Variants in PCNT observed in about 807,000 individuals in gnomAD.
PCNT encodes pericentrin.
In PCNT, 319 loss-of-function variants were observed where a neutral mutation model predicts 380.4. The observed-to-expected ratio is 0.84, with a 90% CI of 0.77 to 0.92. The LOEUF (loss-of-function observed/expected upper bound fraction) is 0.92. PCNT is among the 40% of genes least tolerant of loss of function. The pLI, the probability that PCNT is intolerant of heterozygous loss-of-function variation, is 0.00. For synonymous variants in PCNT, 1,845 were observed against 1,735.2 expected (o/e 1.06, Z -1.57); for missense variants, 4,400 against 4,255.3 (o/e 1.03, Z -0.95).
Position 46,382,045 on chromosome 21 carries a change from G to A in PCNT, c.3312+205G>A, listed in dbSNP as rs182199733. ...TTCACGGTGTTGTGCATTCAATGGC[G>A]GAAGCGCATTCACCATGTTGTATAT... On this transcript the variant is annotated intron_variant, in intron 16 of 46. Coordinates refer to ENST00000359568, the MANE Select transcript of PCNT (RefSeq NM_006031.6). 2.5e-3 allele frequency among the ~76,000 whole-genome samples: 324 copies of A among 130,498 alleles called. 3 individuals are homozygous for A. The highest frequency in any genetic ancestry group is 4.9e-3 in the South Asian group (18 of 3,690). The allele number at this position is 130,498 out of a possible 152,430, so 85.6% of individuals were successfully genotyped here. A position where few individuals can be genotyped will look rare whatever the true frequency, so the allele number is the denominator to read the frequency against.
Position 46,416,760 on chromosome 21 carries a change from GCGTGT to G in PCNT, c.6844_6848del (p.Val2282CysfsTer15). On this transcript the variant is annotated frameshift_variant, in exon 30 of 47. Coordinates refer to ENST00000359568, the MANE Select transcript of PCNT (RefSeq NM_006031.6). LOFTEE classifies it high-confidence loss of function. ...GGGCCGGGGCTGCTTTGTTCCCCAGGCGTGTCTGCAGCAGCGCTGGCACTGCAGTG... is the reference window on the plus strand; with the variant it reads ...GGGCCGGGGCTGCTTTGTTCCCCAGGCTGCAGCAGCGCTGGCACTGCAGTG... The G allele has an allele frequency of 6.2e-7, 1 of 1,604,324 alleles. No individual in the cohort carries two copies. Among genetic ancestry groups the G allele is most frequent in the Non-Finnish European group, 8.5e-7 (1 of 1,177,144 alleles).
intron 26 of PCNT, 50 bp downstream of exon 26, chr21:46,401,771 G>C (rs2086436651): frequency 1.3e-6 from 2 of 1,584,742 alleles, no homozygotes; most frequent in Middle Eastern, 1.7e-4. Context: ...TCAGTGTCCA[G>C]TGGGCTTCTC....
At chr21:46,352,881 T>TTTGCTCCCAGCCCTGTGGCTC (rs1459305688) in intron 9 of PCNT, among the ~76,000 whole-genome samples, 1 of 152,028 alleles carries the variant, frequency 6.6e-6, no homozygotes, top group African/African-American at 2.4e-5. Context: ...GAGTGCTGCT[T>TTTGCTCCCAGCCCTGTGGCTC]TTGCTCCCAG....
chr21:46,422,522 G>A (rs1412806462), intron 32 of PCNT, among the ~76,000 whole-genome samples: 1 of 152,244 alleles, frequency 6.6e-6, no homozygotes, highest in Non-Finnish European at 1.5e-5. Flanking sequence ...CGATGGGAGA[G>A]AAGCCACTCA....
chr21:46,367,545 C>T (rs1011652216), intron 15 of PCNT, among the ~76,000 whole-genome samples: 3 of 152,044 alleles, frequency 2.0e-5, no homozygotes, highest in Non-Finnish European at 2.9e-5. Flanking sequence ...TGACTTCAGG[C>T]GATCCACCCG....
At chr21:46,436,851 G>A (rs1049098582) in intron 39 of PCNT, 128 bp from the exon 40 acceptor site, 16 of 751,560 alleles carry the variant, frequency 2.1e-5, no homozygotes, top group African/African-American at 1.0e-4. Flanking sequence ...ACGGCTGGAC[G>A]AAGTGATTCA....
rs1248342093 is a variant in PCNT at position 46,407,364 on chromosome 21, C to T, written c.5116-3825C>T. On this transcript the variant is annotated intron_variant, in intron 27 of 46. Coordinates refer to ENST00000359568, the MANE Select transcript of PCNT (RefSeq NM_006031.6). ...TCTTTTTTTTTTTTTTTTTTTGAGA[C>T]GGAGTCTTGCTCCGTCACCCAGGCT... Among the ~76,000 whole-genome samples, 22 of 30,782 alleles carry T rather than the reference C, an allele frequency of 7.1e-4. 1 individual carries two copies. The East Asian group carries it at 7.3e-3, about 10-fold the overall frequency. 20.2% of individuals were successfully genotyped at this position (30,782 alleles called of 152,430 possible).
In PCNT at chr21:46,356,975, G is replaced by A. The variant is rs372875556; in HGVS notation, c.1938G>A (p.Glu646=). The part of the protein sequence containing the change: ...RLEPSEGHSQ[E]LPWVHLQGVQ... Reference sequence around the variant, plus strand: ...CTTCCCTGCTCCTTTTCCACACAGAGCTTCCCTGGGTGCATCTCCAGGGTG... The same window carrying A: ...CTTCCCTGCTCCTTTTCCACACAGAACTTCCCTGGGTGCATCTCCAGGGTG... Residue 646 remains glutamate, a splice_region_variant and synonymous_variant, in exon 13 of 47, where the codon GAG becomes GAA. Transcript: ENST00000359568. 2 of 1,613,680 alleles carry A rather than the reference G, an allele frequency of 1.2e-6. No homozygotes were observed. The highest frequency in any genetic ancestry group is 1.7e-4 in the Middle Eastern group (1 of 5,804).
At chr21:46,398,560 G>A (rs536862897) in intron 24 of PCNT, among the ~76,000 whole-genome samples, 33 of 152,346 alleles carry the variant, frequency 2.2e-4, no homozygotes, top group African/African-American at 7.7e-4. Context: ...ATCTGGTGAC[G>A]CTGCAGTGCC....
chr21:46,325,303 C>T (rs2083342848), intron 1 of PCNT: 8 of 706,720 alleles, frequency 1.1e-5, no homozygotes, highest in East Asian at 1.4e-4. Context: ...GGGGCTAGGC[C>T]GGGGAAGGGC....
chr21:46,364,071 G>A, intron 14 of PCNT, 137 bp downstream of exon 14: 3 of 758,254 alleles, frequency 4.0e-6, no homozygotes, highest in Non-Finnish European at 6.5e-6. Flanking sequence ...AACAAGGTGT[G>A]GCGCTCTAGG....
At chr21:46,355,306 G>T (rs2084431426) in intron 11 of PCNT, 146 bp from the exon 12 acceptor site, 6 of 847,440 alleles carry the variant, frequency 7.1e-6, no homozygotes, top group Non-Finnish European at 7.9e-6. Context: ...GGCTGGCGGG[G>T]TTCACCAGGG....
At chr21:46,337,660 G>A (rs751470919) in intron 3 of PCNT, among the ~76,000 whole-genome samples, 1 of 152,138 alleles carries the variant, frequency 6.6e-6, no homozygotes, top group Admixed American at 6.5e-5. Context: ...TCGGCTCTCC[G>A]CAATCTCCGC....
chr21:46,324,802 G>A (rs2083311931), intron 1 of PCNT: 10 of 857,522 alleles, frequency 1.2e-5, no homozygotes, highest in Non-Finnish European at 1.4e-5. Flanking sequence ...CGGGGCCGGG[G>A]GCGTGGCGCG....
rs376655934 is a variant in PCNT at position 46,443,965 on chromosome 21, C to T, written c.9839+17C>T. On this transcript the variant is annotated intron_variant, in intron 45 of 46. Transcript: ENST00000359568. ...TGGGGGAAGGTCAGTGTGATGCCTT[C>T]AGGCCCCGTCTCCTGCCAGGGCTCT... 14 of 1,608,372 alleles carry T rather than the reference C, an allele frequency of 8.7e-6. No individual in the cohort carries two copies. The African/African-American group carries it at 9.4e-5, about 11-fold the overall frequency.
rs2083396457 is a variant in PCNT at position 46,326,421 on chromosome 21, T to G, written c.99T>G (p.His33Gln). The G allele has an allele frequency of 6.2e-7, 1 of 1,614,212 alleles. No homozygotes were observed. The highest frequency in any genetic ancestry group is 8.5e-7 in the Non-Finnish European group (1 of 1,180,038). ...RQRKTKGDSS[H>Q]SEKKTAKRKG... is the part of the protein sequence containing the mutation. ...GAAAAACAAAAGGTGACAGTTCGCATTCGGAGAAAAAGACGGCGAAGAGGA... is the reference window on the plus strand; with the variant it reads ...GAAAAACAAAAGGTGACAGTTCGCAGTCGGAGAAAAAGACGGCGAAGAGGA... Residue 33 changes from histidine to glutamine, a missense_variant, in exon 2 of 47, where the codon CAT becomes CAG. His to Gln is a conservative substitution (Grantham distance 24, BLOSUM62 0). Transcript: ENST00000359568.
intron 13 of PCNT, among the ~76,000 whole-genome samples, chr21:46,357,529 C>T (rs1295438968): frequency 6.6e-6 from 1 of 152,222 alleles, no homozygotes; most frequent in East Asian, 1.9e-4. Context: ...GCAACCTCTG[C>T]TTCCTGATTT....
intron 36 of PCNT, 42 bp downstream of exon 36, chr21:46,430,274 C>A (rs1356880312): frequency 1.3e-6 from 2 of 1,548,574 alleles, no homozygotes; most frequent in East Asian, 2.3e-5. Context: ...CGGGAGTCCC[C>A]CCGTTGTGCC....
chr21:46,380,456 G>A (rs780301863), intron 15 of PCNT, among the ~76,000 whole-genome samples: 1 of 151,760 alleles, frequency 6.6e-6, no homozygotes, highest in Non-Finnish European at 1.5e-5. Context: ...CACCGCGCCC[G>A]GCCAACCCTG....
Sources: gnomAD v4.1 joint callset for allele counts (sites outside exome capture counted in the v4.1 genomes callset) on GRCh38, gnomAD v4.1.1 for gene constraint, MANE v1.5 for transcripts, NCBI Gene and HGNC (gene_info 2026-07-23, HGNC 2026-07-21) for gene names.